Variants in CCDC150 observed in about 807,000 individuals in gnomAD.
CCDC150 encodes the protein coiled-coil domain-containing protein 150.
CCDC150 carries 151 observed loss-of-function variants against 156.5 expected under a neutral mutation model. That is an observed-to-expected ratio of 0.97 (90% CI 0.85 to 1.10). The LOEUF (loss-of-function observed/expected upper bound fraction) is 1.10, where lower values mean the gene tolerates loss of function less well. CCDC150 is among the 50% of genes least tolerant of loss of function. The pLI, the probability that CCDC150 is intolerant of heterozygous loss-of-function variation, is 0.00. For missense variants in CCDC150, 1,312 were observed against 1,268.1 expected (o/e 1.03, Z -0.53); for synonymous variants, 452 against 429.4 (o/e 1.05, Z -0.65).
chr2:196,669,442 G>C lies in CCDC150; in HGVS notation c.893-391G>C, dbSNP rs995017399. Among the ~76,000 whole-genome samples the C allele has an allele frequency of 7.2e-5, 11 of 152,074 alleles. No homozygotes were observed. The South Asian group carries it at 8.3e-4, about 11-fold the overall frequency. On this transcript the variant is annotated intron_variant, in intron 7 of 27. Coordinates refer to ENST00000389175, the MANE Select transcript of CCDC150 (RefSeq NM_001080539.2). The stretch of plus-strand genomic sequence containing the variant: ...TGTTTCACAGATCTGTTTTTCCTCT[G>C]TGTCTCTGTTGTCATGACCAGAGTC...
intron 10 of CCDC150, 36 bp downstream of exon 10, chr2:196,674,384 G>T: frequency 7.6e-7 from 1 of 1,321,324 alleles, no homozygotes; most frequent in Non-Finnish European, 1.1e-6. Flanking sequence ...CAGAAAGCCA[G>T]CCTGGTTGAT....
In CCDC150 at chr2:196,646,491, T is replaced by A; in HGVS notation, c.163T>A (p.Phe55Ile). 6.2e-7 allele frequency: 1 copy of A among 1,613,072 alleles called. No homozygotes were observed. The highest frequency in any genetic ancestry group is 1.1e-5 in the South Asian group (1 of 90,926). Reference protein sequence around the residue: ...SLRDDLIMLDFGEKRGYLEAP... With the variant: ...SLRDDLIMLDIGEKRGYLEAP... The stretch of plus-strand genomic sequence containing the variant: ...GAGGGATGACCTAATAATGTTGGAT[T>A]TTGGTGAAAAAAGGTAACAAAAATG... Residue 55 changes from phenylalanine (F) to isoleucine (I), a missense_variant, in exon 2 of 28, where the codon TTT (phenylalanine) becomes ATT (isoleucine). Coordinates refer to ENST00000389175, the MANE Select transcript of CCDC150 (RefSeq NM_001080539.2).
At chr2:196,663,805 T>C (rs1693688153) in intron 5 of CCDC150, among the ~76,000 whole-genome samples, 1 of 152,088 alleles carries the variant, frequency 6.6e-6, no homozygotes, top group South Asian at 2.1e-4. Context: ...GTGTACAATT[T>C]AGAAAACAGG....
intron 11 of CCDC150, 75 bp from the exon 12 acceptor site, chr2:196,676,479 A>G: frequency 7.2e-7 from 1 of 1,390,354 alleles, no homozygotes. Context: ...ATGTTCTATA[A>G]GAACATTTAA....
chr2:196,708,068 C>T (rs1386588976), intron 15 of CCDC150, among the ~76,000 whole-genome samples: 1 of 152,066 alleles, frequency 6.6e-6, no homozygotes, highest in Non-Finnish European at 1.5e-5. Flanking sequence ...CCTTGTTAAC[C>T]TTCTGTCTCA....
chr2:196,729,553 TA>T (rs1698414150), intron 23 of CCDC150, 166 bp downstream of exon 23: 1 of 697,624 alleles, frequency 1.4e-6, no homozygotes, highest in Admixed American at 2.9e-5. Context: ...CACTGCTGTG[TA>T]AATGTTTGAT....
intron 22 of CCDC150, chr2:196,726,690 G>A: frequency 6.5e-6 from 1 of 152,896 alleles, no homozygotes; most frequent in Non-Finnish European, 1.5e-5. Context: ...AAATGGCAGG[G>A]CTGGACACCT....
chr2:196,716,788 A>G (rs1488845487), intron 17 of CCDC150, among the ~76,000 whole-genome samples: 2 of 152,018 alleles, frequency 1.3e-5, no homozygotes, highest in Non-Finnish European at 2.9e-5. Flanking sequence ...AAAGCTGTTA[A>G]AAAAGAAAAA....
intron 15 of CCDC150, among the ~76,000 whole-genome samples, chr2:196,708,515 T>A (rs1036951182): frequency 2.0e-5 from 3 of 152,324 alleles, no homozygotes; most frequent in Middle Eastern, 3.4e-3. Flanking sequence ...CATTTAAGGT[T>A]AATATTTTTA....
At chr2:196,680,309 AT>A (rs990750707) in intron 13 of CCDC150, among the ~76,000 whole-genome samples, 5 of 149,532 alleles carry the variant, frequency 3.3e-5, no homozygotes, top group African/African-American at 9.8e-5. Context: ...GGTTCATTTC[AT>A]TTTTTTTTCA....
chr2:196,692,359 C>G (rs935343634), intron 13 of CCDC150, among the ~76,000 whole-genome samples: 2 of 151,366 alleles, frequency 1.3e-5, no homozygotes, highest in Non-Finnish European at 2.9e-5. Context: ...TGGTCTCGAT[C>G]TCCTGACCTC....
chr2:196,671,691 G>A (rs1694214979), intron 8 of CCDC150, among the ~76,000 whole-genome samples: 1 of 152,084 alleles, frequency 6.6e-6, no homozygotes, highest in African/African-American at 2.4e-5. Context: ...GCCTCCCAAA[G>A]TGCTGGGATT....
At chr2:196,642,991 C>T (rs1692326970) in intron 1 of CCDC150, among the ~76,000 whole-genome samples, 1 of 152,222 alleles carries the variant, frequency 6.6e-6, no homozygotes, top group Non-Finnish European at 1.5e-5. Flanking sequence ...GATCCTCCCA[C>T]ATAGGCCTTT....
chr2:196,663,006 G>A lies in CCDC150; in HGVS notation c.646-2561G>A, dbSNP rs144412393. Among the ~76,000 whole-genome samples the A allele has an allele frequency of 5.0e-3, 758 of 152,264 alleles. 3 individuals carry two copies. Among genetic ancestry groups the A allele is most frequent in the African/African-American group, 0.017 (726 of 41,548 alleles). On this transcript the variant is annotated intron_variant, in intron 5 of 27. Coordinates refer to ENST00000389175, the MANE Select transcript of CCDC150 (RefSeq NM_001080539.2). The stretch of plus-strand genomic sequence containing the variant: ...TAATCTCAGCACTTTAGGAGGCTGA[G>A]GCAGGAGGATTGCCTGAGCCCAGGA...
At chr2:196,724,413 A>G (rs529338585) in intron 21 of CCDC150, among the ~76,000 whole-genome samples, 1 of 152,342 alleles carries the variant, frequency 6.6e-6, no homozygotes, top group Admixed American at 6.5e-5. Flanking sequence ...TCTAAAATTT[A>G]GAATTTAAAT....
intron 15 of CCDC150, among the ~76,000 whole-genome samples, chr2:196,709,464 C>T (rs547140815): frequency 3.9e-5 from 6 of 152,232 alleles, no homozygotes; most frequent in South Asian, 4.1e-4. Context: ...TCCTTTGGCT[C>T]GGAGAAATTT....
Position 196,646,415 on chromosome 2 carries a change from C to T in CCDC150, c.87C>T (p.Phe29=). 6.2e-7 allele frequency: 1 copy of T among 1,613,778 alleles called. No homozygotes were observed. The highest frequency in any genetic ancestry group is 8.5e-7 in the Non-Finnish European group (1 of 1,179,654). The change falls in exon 2 of 28, where the codon TTC becomes TTT. Residue 29 remains phenylalanine, a synonymous_variant. Transcript: ENST00000389175. ...THINATASET[F]TVLQQRMRIV... ...TCAACGCTACAGCTTCTGAAACATT[C>T]ACAGTACTTCAGCAAAGGATGAGAA... is the stretch of plus-strand genomic sequence containing the variant.
At chr2:196,708,865 G>A (rs1404411030) in intron 15 of CCDC150, among the ~76,000 whole-genome samples, 1 of 152,182 alleles carries the variant, frequency 6.6e-6, no homozygotes, top group African/African-American at 2.4e-5. Flanking sequence ...GTTTCTCTGA[G>A]AGATCTGCTC....
chr2:196,720,922 T>C (rs1316558573), intron 20 of CCDC150, among the ~76,000 whole-genome samples: 2 of 152,150 alleles, frequency 1.3e-5, no homozygotes, highest in African/African-American at 4.8e-5. Flanking sequence ...TTTTATTCAT[T>C]TATTAATGCA....
Sources: allele counts gnomAD v4.1 joint callset (sites outside exome capture counted in the v4.1 genomes callset), GRCh38; gene constraint gnomAD v4.1.1; transcripts MANE v1.5; gene names NCBI Gene and HGNC (gene_info 2026-07-23, HGNC 2026-07-21).